The following SPATA31A3 variants were observed in gnomAD, a reference collection of about 807,000 sequenced individuals.
The protein encoded by SPATA31A3 is SPATA31 subfamily A member 3.
For missense variants in SPATA31A3, 132 were observed against 1,094.6 expected (o/e 0.12, Z 12.41); for synonymous variants, 47 against 419.3 (o/e 0.11, Z 10.85).
rs1332485021 is a variant in SPATA31A3 at position 66,987,306 on chromosome 9, C to G, written c.3192G>C (p.Gly1064=). Reference sequence around the variant, plus strand: ...GTAGCTCCTGGGAAGCCCGCATGTTCCCAGTAGGCATGCTCTGGAGATGGC... The same window carrying G: ...GTAGCTCCTGGGAAGCCCGCATGTTGCCAGTAGGCATGCTCTGGAGATGGC... The change falls in exon 4 of 4, where the codon GGG becomes GGC. Residue 1064 remains glycine, a synonymous_variant. Transcript: ENST00000428649. The G allele has an allele frequency of 1.6e-6, 2 of 1,266,924 alleles. 1 individual carries two copies. Among genetic ancestry groups the G allele is most frequent in the Non-Finnish European group, 2.2e-6 (2 of 897,664 alleles). The allele number at this position is 1,266,924 out of a possible 1,614,324, so 78.5% of individuals were successfully genotyped here.
exon 4 of SPATA31A3, chr9:66,987,770 G>T (rs1205999031): frequency 6.3e-7 from 1 of 1,599,742 alleles, no homozygotes. Flanking sequence ...GGCTTCAAGG[G>T]TTCATGATCA....
In SPATA31A3 at chr9:66,989,000, G is replaced by A; in HGVS notation, c.1498C>T (p.Gln500Ter). Residue 500 changes from glutamine to a stop codon, truncating the protein, a stop_gained, in exon 4 of 4, where the codon CAG (glutamine) becomes TAG (stop). Transcript: ENST00000428649. LOFTEE classifies it low-confidence loss of function (END_TRUNC). ...GGGAAAGAAGATTGAAGATGGGCCT[G>A]AGCCTCGGCCTGAGCCATAGGTGTG... 3.1e-6 allele frequency: 1 copy of A among 320,328 alleles called. No homozygotes were observed. Among genetic ancestry groups the A allele is most frequent in the South Asian group, 2.6e-5 (1 of 38,272 alleles). 19.8% of individuals were successfully genotyped at this position (320,328 alleles called of 1,614,324 possible). A position where few individuals can be genotyped will look rare whatever the true frequency, so the allele number is the denominator to read the frequency against.
rs369062848 is a variant in SPATA31A3 at position 66,988,613 on chromosome 9, C to T, written c.1885G>A (p.Glu629Lys). 5.6e-4 allele frequency: 657 copies of T among 1,172,004 alleles called. 78 individuals are homozygous for T. In the East Asian group the frequency reaches 9.7e-3, roughly 17 times the overall value. The allele number at this position is 1,172,004 out of a possible 1,614,324, so 72.6% of individuals were successfully genotyped here. A position where few individuals can be genotyped will look rare whatever the true frequency, so the allele number is the denominator to read the frequency against. Residue 629 changes from glutamate to lysine, a missense_variant, in exon 4 of 4, where the codon GAA becomes AAA. Glu to Lys is a moderately conservative substitution (Grantham distance 56, BLOSUM62 1). Coordinates refer to ENST00000428649, the Ensembl canonical transcript of SPATA31A3. ...TTGGCCTGACTTGTCCCTGGTGATT[C>T]GTCCTGAAGCTGCATCAGATCCAGA...
Position 66,988,611 on chromosome 9 carries a change from T to C in SPATA31A3, c.1887A>G (p.Glu629=), listed in dbSNP as rs1042967828. The change falls in exon 4 of 4, where the codon GAA becomes GAG. Residue 629 remains glutamate, a synonymous_variant. Coordinates refer to ENST00000428649, the Ensembl canonical transcript of SPATA31A3. ...CCTTGGCCTGACTTGTCCCTGGTGA[T>C]TCGTCCTGAAGCTGCATCAGATCCA... is the stretch of plus-strand genomic sequence containing the variant. 5 of 1,172,124 alleles carry C rather than the reference T, an allele frequency of 4.3e-6. 2 individuals are homozygous for C. In the African/African-American group the frequency reaches 8.6e-5, roughly 20 times the overall value. 72.6% of individuals were successfully genotyped at this position (1,172,124 alleles called of 1,614,324 possible). A position where few individuals can be genotyped will look rare whatever the true frequency, so the allele number is the denominator to read the frequency against.
chr9:66,991,765 A>T, intron 1 of SPATA31A3, among the ~76,000 whole-genome samples: 1 of 65,684 alleles, frequency 1.5e-5, no homozygotes, highest in Non-Finnish European at 2.9e-5. Flanking sequence ...ACACACACAC[A>T]CACAGAGGGA....
Position 66,987,643 on chromosome 9 carries a change from CT to C in SPATA31A3, c.2854del (p.Arg952GlyfsTer167). The C allele has an allele frequency of 7.4e-7, 1 of 1,353,706 alleles. No homozygotes were observed. Among genetic ancestry groups the C allele is most frequent in the Non-Finnish European group, 1.0e-6 (1 of 1,002,332 alleles). 83.9% of individuals were successfully genotyped at this position (1,353,706 alleles called of 1,614,324 possible). ...GACTCTGCATTGTGGCACTGCCTCC[CT>C]TGTCTCTCCAGCCTTTGAAGATTGG... On this transcript the variant is annotated frameshift_variant, in exon 4 of 4. Coordinates refer to ENST00000428649, the Ensembl canonical transcript of SPATA31A3. LOFTEE classifies it low-confidence loss of function (END_TRUNC).
chr9:66,987,123 A>C, exon 4 of SPATA31A3: 1 of 1,236,914 alleles, frequency 8.1e-7, no homozygotes, highest in East Asian at 2.3e-5. Flanking sequence ...TCAATCCTTC[A>C]AGCCTTTCTT....
intron 1 of SPATA31A3, among the ~76,000 whole-genome samples, chr9:66,991,654 AAAAATAAAATAAAAT>A (rs1157053461): frequency 1.6e-4 from 8 of 49,996 alleles, no homozygotes; most frequent in African/African-American, 3.7e-4. Flanking sequence ...CTCCATCTCA[AAAAATAAAATAAAAT>A]AAAATAAAAT....
At chr9:66,990,400 T>C in intron 3 of SPATA31A3, 45 bp downstream of exon 3, 6 of 1,186,032 alleles carry the variant, frequency 5.1e-6, no homozygotes, top group Admixed American at 2.1e-5. Context: ...TGGGGTCACG[T>C]CCCAGCCCTG....
rs775792144 is a variant in SPATA31A3, at chr9:66,988,644, T to C, written c.1854A>G (p.Gln618=). 8.6e-5 allele frequency: 100 copies of C among 1,168,918 alleles called. 35 individuals are homozygous for C. The highest frequency in any genetic ancestry group is 1.1e-4 in the Non-Finnish European group (94 of 826,234). The allele number at this position is 1,168,918 out of a possible 1,614,324, so 72.4% of individuals were successfully genotyped here. ...GAAGCTGCATCAGATCCAGAGACTC[T>C]TGGATCCTTCCCAGGTTGCCCCAGT... The change falls in exon 4 of 4, where the codon CAA becomes CAG. Residue 618 remains glutamine (Q), a synonymous_variant. Coordinates refer to ENST00000428649, the Ensembl canonical transcript of SPATA31A3.
At position 66,988,579 on chromosome 9, in the gene SPATA31A3, G is replaced by T; in HGVS notation, c.1919C>A (p.Pro640His). 2.6e-6 allele frequency: 3 copies of T among 1,170,824 alleles called. 1 individual carries two copies. Among genetic ancestry groups the T allele is most frequent in the Non-Finnish European group, 3.6e-6 (3 of 827,442 alleles). The allele number at this position is 1,170,824 out of a possible 1,614,324, so 72.5% of individuals were successfully genotyped here. The change falls in exon 4 of 4, where the codon CCC becomes CAC. Residue 640 changes from proline to histidine, a missense_variant. By Grantham distance (77) the Pro-to-His change is moderately conservative. Transcript: ENST00000428649. ...GGACATGGAGGACTGCCAGGGACTG[G>T]GTTTGCCCTTGGCCTGACTTGTCCC...
chr9:66,987,127 C>T, exon 4 of SPATA31A3: 1 of 1,225,120 alleles, frequency 8.2e-7, no homozygotes, highest in Non-Finnish European at 1.2e-6. Flanking sequence ...TCCTTCAAGC[C>T]TTTCTTCATG....
chr9:66,989,959 GA>G lies in SPATA31A3; in HGVS notation c.538del (p.Ser180ProfsTer2). 6.2e-7 allele frequency: 1 copy of G among 1,609,740 alleles called. No individual in the cohort carries two copies. Among genetic ancestry groups the G allele is most frequent in the South Asian group, 1.1e-5 (1 of 90,808 alleles). On this transcript the variant is annotated frameshift_variant, in exon 4 of 4. Coordinates refer to ENST00000428649, the Ensembl canonical transcript of SPATA31A3. LOFTEE classifies it low-confidence loss of function (END_TRUNC). ...TTCTGGTGGCTGGGAGGCACTTAGG[GA>G]GGAGACTGAGGTGGTCATTGGGCCT...
At chr9:66,986,971 G>A in exon 4 of SPATA31A3, 1 of 1,602,768 alleles carries the variant, frequency 6.2e-7, no homozygotes, top group Non-Finnish European at 8.5e-7. Flanking sequence ...TTTTTTCTTT[G>A]AAAAAATCCA....
intron 2 of SPATA31A3, 99 bp from the exon 3 acceptor site, chr9:66,990,604 G>A: frequency 1.8e-6 from 1 of 559,700 alleles, no homozygotes; most frequent in Non-Finnish European, 3.0e-6. Context: ...TGGGGAATTA[G>A]ACCCTGGACC....
chr9:66,987,183 G>A (rs764833287), exon 4 of SPATA31A3: 2 of 1,181,560 alleles, frequency 1.7e-6, no homozygotes, highest in Non-Finnish European at 2.4e-6. Context: ...TGTGAATAGG[G>A]GGAAACATTG....
In SPATA31A3 at chr9:66,988,776, A is replaced by AG; in HGVS notation, c.1721dup (p.Asn575Ter). 9.9e-7 allele frequency: 1 copy of AG among 1,010,352 alleles called. No homozygotes were observed. 62.6% of individuals were successfully genotyped at this position (1,010,352 alleles called of 1,614,324 possible). A position where few individuals can be genotyped will look rare whatever the true frequency, so the allele number is the denominator to read the frequency against. On this transcript the variant is annotated frameshift_variant, in exon 4 of 4. Transcript: ENST00000428649. LOFTEE classifies it low-confidence loss of function (END_TRUNC). ...ATGTCAAACTTTCCTGGGGAAGGTT[A>AG]GGAGTGGAGACACTAAAGACGTCCT...
At chr9:66,986,978 T>A in exon 4 of SPATA31A3, 1 of 1,602,124 alleles carries the variant, frequency 6.2e-7, no homozygotes, top group Non-Finnish European at 8.5e-7. Context: ...TTTGAAAAAA[T>A]CCACTGAAAA....
Position 66,989,568 on chromosome 9 carries a change from A to T in SPATA31A3, c.930T>A (p.Cys310Ter), listed in dbSNP as rs879947256. ...AAAACAGGCTACCAGCTTCCATCTG[A>T]CAGGTCTCTGGTGGGTGGCGGGAAA... is the stretch of plus-strand genomic sequence containing the variant. Residue 310 changes from cysteine (C) to a stop codon, truncating the protein, a stop_gained, in exon 4 of 4, where the codon TGT becomes TGA. Coordinates refer to ENST00000428649, the Ensembl canonical transcript of SPATA31A3. LOFTEE classifies it low-confidence loss of function (END_TRUNC). 14 of 1,278,410 alleles carry T rather than the reference A, an allele frequency of 1.1e-5. No individual in the cohort carries two copies. Among genetic ancestry groups the T allele is most frequent in the Non-Finnish European group, 1.3e-5 (12 of 932,298 alleles). 79.2% of individuals were successfully genotyped at this position (1,278,410 alleles called of 1,614,324 possible). A position where few individuals can be genotyped will look rare whatever the true frequency, so the allele number is the denominator to read the frequency against.
Sources: allele counts gnomAD v4.1 joint callset (sites outside exome capture counted in the v4.1 genomes callset), GRCh38; gene constraint gnomAD v4.1.1; transcripts MANE v1.5; gene names NCBI Gene and HGNC (gene_info 2026-07-23, HGNC 2026-07-21).